Variants in OR9Q1 observed in about 807,000 individuals in gnomAD.
OR9Q1 encodes olfactory receptor family 9 subfamily Q member 1.
For missense variants in OR9Q1, 374 were observed against 378.8 expected, an observed-to-expected ratio of 0.99 and a Z score of 0.11; for synonymous variants, 153 against 148.6, an observed-to-expected ratio of 1.03 and a Z score of -0.22.
chr11:58,061,770 C>T (rs182826742), intron 2 of OR9Q1, among the ~76,000 whole-genome samples: 6 of 152,236 alleles, frequency 3.9e-5, no homozygotes, highest in South Asian at 2.1e-4. Context: ...TTTGGAGCTC[C>T]CTTGGATTTT....
At chr11:58,132,970 T>C (rs1854155977) in intron 2 of OR9Q1, among the ~76,000 whole-genome samples, 1 of 152,166 alleles carries the variant, frequency 6.6e-6, no homozygotes, top group African/African-American at 2.4e-5. Context: ...CCAGCTCCCC[T>C]GGATGCCAGG....
intron 1 of OR9Q1, among the ~76,000 whole-genome samples, chr11:58,052,958 G>A (rs2119970476): frequency 1.3e-5 from 2 of 151,758 alleles, no homozygotes; most frequent in East Asian, 3.9e-4. Context: ...AACAGGTGCT[G>A]GAGAGGATGT....
At chr11:58,140,875 G>C (rs894408613) in intron 2 of OR9Q1, among the ~76,000 whole-genome samples, 4 of 152,138 alleles carry the variant, frequency 2.6e-5, no homozygotes. Flanking sequence ...AATGACCTTG[G>C]GCAGTATGGC....
chr11:58,053,378 C>T (rs1466797086), intron 1 of OR9Q1, among the ~76,000 whole-genome samples: 1 of 139,794 alleles, frequency 7.2e-6, no homozygotes, highest in African/African-American at 2.7e-5. Context: ...TGTTCTCACT[C>T]ATAGGTGGGA....
chr11:58,166,354 T>G (rs1348153044), intron 2 of OR9Q1, among the ~76,000 whole-genome samples: 1 of 152,236 alleles, frequency 6.6e-6, no homozygotes, highest in Non-Finnish European at 1.5e-5. Context: ...CCTATTAGTT[T>G]CGTATGAAAC....
At chr11:58,130,042 C>A (rs1403497965) in intron 2 of OR9Q1, among the ~76,000 whole-genome samples, 1 of 152,018 alleles carries the variant, frequency 6.6e-6, no homozygotes, top group South Asian at 2.1e-4. Flanking sequence ...GGTTTTAAGC[C>A]CCGCATGCAT....
chr11:58,165,964 C>T (rs1854500659), intron 2 of OR9Q1, among the ~76,000 whole-genome samples: 1 of 152,220 alleles, frequency 6.6e-6, no homozygotes, highest in Admixed American at 6.5e-5. Context: ...GGTTTCTCTA[C>T]ATTTACAAAT....
chr11:58,157,600 G>A (rs1590620601), intron 2 of OR9Q1, among the ~76,000 whole-genome samples: 1 of 152,136 alleles, frequency 6.6e-6, no homozygotes, highest in South Asian at 2.1e-4. Flanking sequence ...AAGGATTATG[G>A]AGTGGTTGAG....
At chr11:58,167,922 AG>A (rs766081608) in intron 2 of OR9Q1, among the ~76,000 whole-genome samples, 3 of 152,162 alleles carry the variant, frequency 2.0e-5, no homozygotes, top group Non-Finnish European at 2.9e-5. Flanking sequence ...CAAATATTCA[AG>A]GGTGGGGAAA....
Position 58,147,146 on chromosome 11 carries a change from G to A in OR9Q1, c.-14-32285G>A, listed in dbSNP as rs181139932. ...TGCTTCATTCTAGGACACATGTTAT[G>A]TTAGAGAAAGCTAGCAGGTGCATGG... is the stretch of plus-strand genomic sequence containing the variant. On this transcript the variant is annotated intron_variant, in intron 2 of 2. Transcript: ENST00000335397. Among the ~76,000 whole-genome samples the A allele has an allele frequency of 1.5e-4, 23 of 152,276 alleles. 1 individual carries two copies. Among genetic ancestry groups the A allele is most frequent in the East Asian group, 1.4e-3 (7 of 5,182 alleles).
intron 1 of OR9Q1, among the ~76,000 whole-genome samples, chr11:58,025,029 A>G (rs1852957631): frequency 1.3e-5 from 2 of 152,116 alleles, no homozygotes. Flanking sequence ...TGTCTCTCTG[A>G]GCCTTCAGTG....
intron 2 of OR9Q1, among the ~76,000 whole-genome samples, chr11:58,090,090 A>G (rs1022100531): frequency 6.6e-6 from 1 of 152,186 alleles, no homozygotes; most frequent in African/African-American, 2.4e-5. Flanking sequence ...TGTCATCTGC[A>G]AACAGAGACA....
chr11:58,097,900 G>A (rs1324306474), intron 2 of OR9Q1, among the ~76,000 whole-genome samples: 2 of 152,198 alleles, frequency 1.3e-5, no homozygotes, highest in Admixed American at 1.3e-4. Flanking sequence ...AAAAAATGCA[G>A]AGTGATCGAC....
intron 2 of OR9Q1, among the ~76,000 whole-genome samples, chr11:58,133,893 G>A (rs1219732757): frequency 6.7e-6 from 1 of 149,106 alleles, no homozygotes; most frequent in Non-Finnish European, 1.5e-5. Flanking sequence ...AGTTCTCATA[G>A]GTGTAATTGG....
chr11:58,106,848 T>C (rs531089238), intron 2 of OR9Q1, among the ~76,000 whole-genome samples: 52 of 152,312 alleles, frequency 3.4e-4, no homozygotes, highest in African/African-American at 1.2e-3. Flanking sequence ...GTTCCATTGA[T>C]GTATATGTCT....
chr11:58,047,870 G>A (rs1853234601), intron 1 of OR9Q1, among the ~76,000 whole-genome samples: 1 of 152,130 alleles, frequency 6.6e-6, no homozygotes, highest in Admixed American at 6.5e-5. Context: ...GTGACAGAGA[G>A]AGACTCCGTC....
intron 2 of OR9Q1, among the ~76,000 whole-genome samples, chr11:58,178,384 A>C (rs931434726): frequency 6.6e-6 from 1 of 152,224 alleles, no homozygotes; most frequent in Non-Finnish European, 1.5e-5. Context: ...CATGATGGGC[A>C]CCGTGGCATG....
Position 58,181,464 on chromosome 11 carries a change from A to C in OR9Q1, c.*1087A>C, listed in dbSNP as rs983357730. ...CAGGGGACTTGTCTCAATCAAACCC[A>C]AGGCACTGGAAGAGAGCAGGCCCCA... On this transcript the variant is annotated 3_prime_UTR_variant, in exon 3 of 3. Coordinates refer to ENST00000335397, the MANE Select transcript of OR9Q1 (RefSeq NM_001005212.4). The C allele has an allele frequency of 2.4e-5, 4 of 166,796 alleles. No individual in the cohort carries two copies. Among genetic ancestry groups the C allele is most frequent in the Admixed American group, 1.3e-4 (2 of 15,258 alleles). The allele number at this position is 166,796 out of a possible 1,614,324, so 10.3% of individuals were successfully genotyped here.
intron 2 of OR9Q1, among the ~76,000 whole-genome samples, chr11:58,129,543 G>T (rs1048663764): frequency 6.6e-6 from 1 of 151,920 alleles, no homozygotes; most frequent in East Asian, 1.9e-4. Flanking sequence ...CCTCCCTCTG[G>T]TTTTGATCTC....
Sources: allele counts gnomAD v4.1 joint callset (sites outside exome capture counted in the v4.1 genomes callset), GRCh38; gene constraint gnomAD v4.1.1; transcripts MANE v1.5; gene names NCBI Gene and HGNC (gene_info 2026-07-23, HGNC 2026-07-21).